The following DYNLT5 variants were observed in gnomAD, a reference collection of about 807,000 sequenced individuals.
DYNLT5 encodes the protein dynein light chain Tctex-type family member 5, also known as dynein light chain Tctex-type 5.
Under a neutral mutation model 19.3 loss-of-function variants are expected in DYNLT5, and 25 were observed. That is an observed-to-expected ratio of 1.30 (90% CI 0.95 to 1.81). DYNLT5 has a LOEUF of 1.81. Ranked by LOEUF, DYNLT5 falls within the 40% of genes most tolerant of loss-of-function variation. The probability of loss-of-function intolerance (pLI) is 0.00; values close to 1 mark genes in which losing one functional copy is unlikely to be tolerated. For synonymous variants in DYNLT5, 82 were observed against 68.9 expected, an observed-to-expected ratio of 1.19 and a Z score of -0.94; for missense variants, 232 against 217.9, an observed-to-expected ratio of 1.06 and a Z score of -0.41.
At chr1:66,768,353 T>C (rs1312859443) in intron 2 of DYNLT5, among the ~76,000 whole-genome samples, 1 of 152,212 alleles carries the variant, frequency 6.6e-6, no homozygotes, top group African/African-American at 2.4e-5. Context: ...TTTTACTTTC[T>C]TCTCTATGTT....
chr1:66,759,233 T>C (rs2150860474), intron 2 of DYNLT5, among the ~76,000 whole-genome samples: 1 of 152,228 alleles, frequency 6.6e-6, no homozygotes, highest in Middle Eastern at 3.4e-3. Context: ...GGGAGGAAAA[T>C]GAAGCTGGCC....
At chr1:66,770,815 C>A in intron 3 of DYNLT5, 2 of 316,434 alleles carry the variant, frequency 6.3e-6, no homozygotes, top group South Asian at 3.1e-5. Flanking sequence ...ATATTTTATC[C>A]AACAAAACCA....
At chr1:66,776,572 T>G (rs200650015) in intron 4 of DYNLT5, among the ~76,000 whole-genome samples, 169 bp downstream of exon 4, 1 of 121,978 alleles carries the variant, frequency 8.2e-6, no homozygotes, top group East Asian at 2.6e-4. Context: ...TGTGTGTGTG[T>G]GTGTGTATAT....
intron 1 of DYNLT5, 105 bp downstream of exon 1, chr1:66,752,689 C>T (rs1489138303): frequency 2.9e-6 from 2 of 696,644 alleles, no homozygotes; most frequent in Admixed American, 6.3e-5. Flanking sequence ...CCGATCTCTC[C>T]GCCACCTTAT....
intron 3 of DYNLT5, among the ~76,000 whole-genome samples, chr1:66,773,536 C>T (rs1645216141): frequency 6.6e-6 from 1 of 152,158 alleles, no homozygotes; most frequent in Non-Finnish European, 1.5e-5. Flanking sequence ...CTTCAGCATG[C>T]AATAACTACA....
At chr1:66,775,816 A>AGCCTGG (rs1645231274) in intron 3 of DYNLT5, among the ~76,000 whole-genome samples, 1 of 152,190 alleles carries the variant, frequency 6.6e-6, no homozygotes, top group African/African-American at 2.4e-5. Context: ...AGACAGATGG[A>AGCCTGG]GCCTGTGAGG....
At chr1:66,769,401 T>C (rs1255860569) in intron 2 of DYNLT5, among the ~76,000 whole-genome samples, 2 of 152,272 alleles carry the variant, frequency 1.3e-5, no homozygotes, top group African/African-American at 2.4e-5. Flanking sequence ...CCAAACAGCG[T>C]AGAACTAAGT....
intron 3 of DYNLT5, among the ~76,000 whole-genome samples, chr1:66,772,039 C>T (rs748664516): frequency 9.2e-5 from 14 of 152,094 alleles, no homozygotes; most frequent in Non-Finnish European, 1.8e-4. Context: ...TAGCATTCAA[C>T]CAGCCATTTT....
In DYNLT5 at chr1:66,752,978, T is replaced by C. The variant is rs574544385; in HGVS notation, c.-4+394T>C. 6.6e-5 allele frequency among the ~76,000 whole-genome samples: 10 copies of C among 152,352 alleles called. No individual in the cohort carries two copies. In the East Asian group the frequency reaches 1.9e-3, roughly 29 times the overall value. On this transcript the variant is annotated intron_variant, in intron 1 of 4. Transcript: ENST00000282670. Reference sequence around the variant, plus strand: ...AACAGCTGAGGCCGAGATGGGTCTATGTGGCTTTGCAGCAAAACCTGAATG... The same window carrying C: ...AACAGCTGAGGCCGAGATGGGTCTACGTGGCTTTGCAGCAAAACCTGAATG...
chr1:66,769,078 ATTGGGT>A (rs1645186559), intron 2 of DYNLT5, among the ~76,000 whole-genome samples: 1 of 152,200 alleles, frequency 6.6e-6, no homozygotes, highest in Non-Finnish European at 1.5e-5. Context: ...TTTATGTAAC[ATTGGGT>A]TTTTTAAGCA....
chr1:66,760,654 A>T (rs995969477), intron 2 of DYNLT5, among the ~76,000 whole-genome samples: 1 of 152,220 alleles, frequency 6.6e-6, no homozygotes, highest in Non-Finnish European at 1.5e-5. Context: ...CTGTTGTAAT[A>T]GGCCACACTC....
At position 66,757,731 on chromosome 1, in the gene DYNLT5, G is replaced by A. The variant is rs561118020; in HGVS notation, c.119+2954G>A. Reference sequence around the variant, plus strand: ...TAGGAGTTGGCAAACTATGACCCAAGGGCCTATTCCAATCTGCATCTGTTT... The same window carrying A: ...TAGGAGTTGGCAAACTATGACCCAAAGGCCTATTCCAATCTGCATCTGTTT... On this transcript the variant is annotated intron_variant, in intron 2 of 4. Transcript: ENST00000282670. Among the ~76,000 whole-genome samples, 19 of 152,174 alleles carry A rather than the reference G, an allele frequency of 1.2e-4. No homozygotes were observed. In the East Asian group the frequency reaches 3.7e-3, roughly 29 times the overall value.
chr1:66,776,991 T>C (rs1013847536), intron 4 of DYNLT5, among the ~76,000 whole-genome samples: 1 of 152,196 alleles, frequency 6.6e-6, no homozygotes, highest in Non-Finnish European at 1.5e-5. Context: ...ATTTATTAAA[T>C]TCTGTGTTCT....
chr1:66,774,029 T>G (rs2150868480), intron 3 of DYNLT5, among the ~76,000 whole-genome samples: 1 of 152,310 alleles, frequency 6.6e-6, no homozygotes, highest in Non-Finnish European at 1.5e-5. Context: ...AAACAGGATC[T>G]GGTTAATGAC....
chr1:66,767,083 C>T (rs1345772914), intron 2 of DYNLT5, among the ~76,000 whole-genome samples: 2 of 151,936 alleles, frequency 1.3e-5, no homozygotes, highest in African/African-American at 2.4e-5. Flanking sequence ...AACAAACTCC[C>T]GTGACACAAG....
chr1:66,767,180 A>G (rs1645162889), intron 2 of DYNLT5, among the ~76,000 whole-genome samples: 1 of 152,060 alleles, frequency 6.6e-6, no homozygotes, highest in Admixed American at 6.6e-5. Context: ...CCAGCAAAAT[A>G]TAGAAAATTT....
chr1:66,777,286 ACG>A lies in DYNLT5; in HGVS notation c.373_374del (p.Arg125ValfsTer2). ...CCCAGGTCAAGGACTTGATGATTCC[ACG>A]GTATAAACTAATTGTGATTGTTCAC... ...KAQVKDLMIP[R>X]YKLIVIVHIG... On this transcript the variant is annotated frameshift_variant, in exon 5 of 5. Transcript: ENST00000282670. LOFTEE classifies it high-confidence loss of function. The A allele has an allele frequency of 1.2e-6, 2 of 1,613,132 alleles. No homozygotes were observed. Among genetic ancestry groups the A allele is most frequent in the African/African-American group, 2.7e-5 (2 of 74,902 alleles).
intron 3 of DYNLT5, among the ~76,000 whole-genome samples, chr1:66,774,212 A>C (rs1161931620): frequency 6.6e-6 from 1 of 152,086 alleles, no homozygotes; most frequent in Non-Finnish European, 1.5e-5. Flanking sequence ...CATGTCCTCC[A>C]GCAGGTCCTC....
intron 2 of DYNLT5, among the ~76,000 whole-genome samples, chr1:66,767,351 C>T (rs528726142): frequency 1.1e-4 from 16 of 152,140 alleles, no homozygotes; most frequent in Non-Finnish European, 1.9e-4. Flanking sequence ...ACCTTCCTTT[C>T]GAGCTGTGCT....
Sources: gnomAD v4.1 joint callset for allele counts (sites outside exome capture counted in the v4.1 genomes callset) on GRCh38, gnomAD v4.1.1 for gene constraint, MANE v1.5 for transcripts, NCBI Gene and HGNC (gene_info 2026-07-23, HGNC 2026-07-21) for gene names.